NEK10: variants seen among roughly 807,000 people sequenced by gnomAD.
NEK10 encodes NIMA related kinase 10.
NEK10 carries 122 observed loss-of-function variants against 159.8 expected under a neutral mutation model. The ratio of observed to expected loss-of-function variants is 0.76; its 90% confidence interval spans 0.66 to 0.89. NEK10 has a LOEUF of 0.89. Among genes scored for constraint, NEK10 ranks in the 40% least tolerant of loss-of-function variants. The probability of loss-of-function intolerance (pLI) is 0.00; values close to 1 mark genes in which losing one functional copy is unlikely to be tolerated. For synonymous variants in NEK10, 466 were observed against 457.1 expected, an observed-to-expected ratio of 1.02 and a Z score of -0.25; for missense variants, 1,342 against 1,323.1, an observed-to-expected ratio of 1.01 and a Z score of -0.22.
chr3:27,136,667 C>T (rs912691380), intron 31 of NEK10, among the ~76,000 whole-genome samples: 21 of 152,114 alleles, frequency 1.4e-4, no homozygotes, highest in Admixed American at 1.3e-3. Flanking sequence ...GCTGGTCTTA[C>T]GATTACCATT....
chr3:27,121,740 A>G lies in NEK10; in HGVS notation c.3082-1872T>C, dbSNP rs1173419834. ...AGCAGCATGAAAATAGACTAATACA[A>G]TCAGACAAAACTAACCAAGGGTAAC... On this transcript the variant is annotated intron_variant, in intron 32 of 35. Coordinates refer to ENST00000691995, the MANE Select transcript of NEK10 (RefSeq NM_001394966.1). 2.6e-5 allele frequency among the ~76,000 whole-genome samples: 4 copies of G among 152,238 alleles called. No individual in the cohort carries two copies. In the East Asian group the frequency reaches 7.7e-4, roughly 29 times the overall value.
intron 30 of NEK10, among the ~76,000 whole-genome samples, chr3:27,155,433 C>T (rs138123582): frequency 2.2e-4 from 33 of 151,538 alleles, no homozygotes; most frequent in African/African-American, 8.0e-4. Context: ...ACCCGGGAGG[C>T]GGAGGTTGCA....
rs1939186737 is a variant in NEK10 at position 27,108,294 on chromosome 3, A to T, written c.*2978T>A. 6.6e-6 allele frequency among the ~76,000 whole-genome samples: 1 copy of T among 152,160 alleles called. No homozygotes were observed. Among genetic ancestry groups the T allele is most frequent in the Non-Finnish European group, 1.5e-5 (1 of 68,024 alleles). On this transcript the variant is annotated 3_prime_UTR_variant, in exon 36 of 36. Coordinates refer to ENST00000691995, the MANE Select transcript of NEK10 (RefSeq NM_001394966.1). Reference sequence around the variant, plus strand: ...AAGCAGCATTTCTCTAGGTTTCTGAAATTCATCCACAAGCAGTGGGTCCAA... The same window carrying T: ...AAGCAGCATTTCTCTAGGTTTCTGATATTCATCCACAAGCAGTGGGTCCAA...
intron 5 of NEK10, among the ~76,000 whole-genome samples, chr3:27,328,752 A>G (rs1242874372): frequency 6.6e-6 from 1 of 152,186 alleles, no homozygotes; most frequent in African/African-American, 2.4e-5. Flanking sequence ...AGAACAGAGT[A>G]TAAAGAGCCA....
In NEK10 at chr3:27,157,487, A is replaced by T. The variant is rs559479536; in HGVS notation, c.2869+5214T>A. Among the ~76,000 whole-genome samples the T allele has an allele frequency of 3.2e-4, 48 of 152,306 alleles. No individual in the cohort carries two copies. In the South Asian group the frequency reaches 9.7e-3, roughly 31 times the overall value. On this transcript the variant is annotated intron_variant, in intron 30 of 35. Coordinates refer to ENST00000691995, the MANE Select transcript of NEK10 (RefSeq NM_001394966.1). ...AACTAAAATTAGAAGTAGACTGAAG[A>T]TGTGACTGAATTGCTGCAGTCTCAT...
Position 27,107,302 on chromosome 3 carries a change from A to C in NEK10, c.*3970T>G, listed in dbSNP as rs1210562215. Among the ~76,000 whole-genome samples the C allele has an allele frequency of 1.3e-5, 2 of 152,178 alleles. No individual in the cohort carries two copies. The highest frequency in any genetic ancestry group is 4.8e-5 in the African/African-American group (2 of 41,454). On this transcript the variant is annotated 3_prime_UTR_variant, in exon 36 of 36. Transcript: ENST00000691995. ...TCCCTCTTGCAAATCTCAAAACAAC[A>C]TCACAGCAGGACTATAATCAACCAC...
chr3:27,351,517 C>T (rs760119132), intron 3 of NEK10, among the ~76,000 whole-genome samples: 4 of 152,084 alleles, frequency 2.6e-5, no homozygotes, highest in Non-Finnish European at 5.9e-5. Flanking sequence ...AATTATTAAG[C>T]AGGGTAATGC....
chr3:27,300,314 C>G (rs1285040654), intron 13 of NEK10, among the ~76,000 whole-genome samples: 1 of 152,020 alleles, frequency 6.6e-6, no homozygotes, highest in Non-Finnish European at 1.5e-5. Flanking sequence ...TTTCCCTGCA[C>G]AAGCCCTCTC....
At chr3:27,153,961 G>A (rs1945147722) in intron 30 of NEK10, among the ~76,000 whole-genome samples, 1 of 151,912 alleles carries the variant, frequency 6.6e-6, no homozygotes, top group Non-Finnish European at 1.5e-5. Context: ...CAAGATCAAA[G>A]CAGAATTAAA....
intron 23 of NEK10, among the ~76,000 whole-genome samples, chr3:27,248,278 G>T (rs1404424500): frequency 6.6e-6 from 1 of 151,732 alleles, no homozygotes; most frequent in Admixed American, 6.6e-5. Context: ...CTGTCTAAAG[G>T]TTTGTTAATT....
rs2044369761 is a variant in NEK10 at position 27,307,965 on chromosome 3, A to T, written c.717-20T>A. ...TCTTGACTATAAATTGAAAAATATTAGCAATTACTAAAAGCATATTTTGCT... is the reference window on the plus strand; with the variant it reads ...TCTTGACTATAAATTGAAAAATATTTGCAATTACTAAAAGCATATTTTGCT... On this transcript the variant is annotated intron_variant, in intron 10 of 35. Coordinates refer to ENST00000691995, the MANE Select transcript of NEK10 (RefSeq NM_001394966.1). 1.7e-6 allele frequency: 2 copies of T among 1,157,200 alleles called. No homozygotes were observed. Among genetic ancestry groups the T allele is most frequent in the South Asian group, 2.5e-5 (2 of 80,488 alleles). 71.7% of individuals were successfully genotyped at this position (1,157,200 alleles called of 1,614,324 possible).
intron 6 of NEK10, among the ~76,000 whole-genome samples, chr3:27,316,045 A>C (rs1232830129): frequency 5.3e-5 from 8 of 152,192 alleles, no homozygotes; most frequent in Non-Finnish European, 1.2e-4. Flanking sequence ...AACTCCATGG[A>C]GGGCATTACT....
At chr3:27,170,091 C>T (rs1453947032) in intron 29 of NEK10, among the ~76,000 whole-genome samples, 1 of 152,188 alleles carries the variant, frequency 6.6e-6, no homozygotes, top group Non-Finnish European at 1.5e-5. Flanking sequence ...CCCACAATGA[C>T]GTCTAAAGAA....
At chr3:27,177,981 G>GT (rs1947691736) in intron 26 of NEK10, among the ~76,000 whole-genome samples, 1 of 152,060 alleles carries the variant, frequency 6.6e-6, no homozygotes, top group Non-Finnish European at 1.5e-5. Context: ...GAGTTAACTA[G>GT]TTTTTTTGGC....
chr3:27,201,580 T>C lies in NEK10; in HGVS notation c.2221A>G (p.Ile741Val). ...STNMLSLATK[I>V]VEAVYEPVPE... The stretch of plus-strand genomic sequence containing the variant: ...ACTGGTTCATATACCGCCTCCACTA[T>C]CTGCAAAACAAACAGACTAGAGTGA... Residue 741 changes from isoleucine to valine, a missense_variant and splice_region_variant, in exon 25 of 36, where the codon ATA becomes GTA. Ile to Val is a conservative substitution (Grantham distance 29). Transcript: ENST00000691995. 6.2e-7 allele frequency: 1 copy of C among 1,613,232 alleles called. No individual in the cohort carries two copies. The highest frequency in any genetic ancestry group is 8.5e-7 in the Non-Finnish European group (1 of 1,179,312).
chr3:27,331,229 C>A (rs1352716224), intron 5 of NEK10, among the ~76,000 whole-genome samples: 6 of 30,754 alleles, frequency 2.0e-4, no homozygotes, highest in African/African-American at 8.4e-4. Flanking sequence ...TAAAGTAAGA[C>A]TCTGTCTCAA....
intron 28 of NEK10, among the ~76,000 whole-genome samples, chr3:27,172,452 A>G (rs1379049078): frequency 6.6e-6 from 1 of 152,110 alleles, no homozygotes; most frequent in Non-Finnish European, 1.5e-5. Flanking sequence ...TATATATCCA[A>G]AAGAAGGGAA....
chr3:27,355,043 C>T lies in NEK10; in HGVS notation c.-37-2124G>A, dbSNP rs564110084. On this transcript the variant is annotated intron_variant, in intron 1 of 35. Transcript: ENST00000691995. ...TGGGAGAGGCTCTGGGCAGAGTGCC[C>T]ACATATATCCACTAAAATCAACGAC... Among the ~76,000 whole-genome samples, 8 of 151,822 alleles carry T rather than the reference C, an allele frequency of 5.3e-5. No homozygotes were observed. The East Asian group carries it at 1.6e-3, about 30-fold the overall frequency.
At chr3:27,264,011 TA>T (rs2040662793) in intron 22 of NEK10, among the ~76,000 whole-genome samples, 1 of 152,186 alleles carries the variant, frequency 6.6e-6, no homozygotes, top group Non-Finnish European at 1.5e-5. Context: ...TGTATATTAT[TA>T]TTTAATTATC....
Sources: gnomAD v4.1 joint callset for allele counts (sites outside exome capture counted in the v4.1 genomes callset) on GRCh38, gnomAD v4.1.1 for gene constraint, MANE v1.5 for transcripts, NCBI Gene and HGNC (gene_info 2026-07-23, HGNC 2026-07-21) for gene names.